LACTB2: variants seen among roughly 807,000 people sequenced by gnomAD.
LACTB2 encodes lactamase beta 2.
In LACTB2, 32 loss-of-function variants were observed where a neutral mutation model predicts 34.8. The observed-to-expected ratio is 0.92, with a 90% CI of 0.69 to 1.24. The LOEUF is 1.24. Among genes scored for constraint, LACTB2 ranks in the 50% most tolerant of loss-of-function variants. The probability of loss-of-function intolerance (pLI) is 0.00; values close to 1 mark genes in which losing one functional copy is unlikely to be tolerated. For synonymous variants in LACTB2, 120 were observed against 117.5 expected, an observed-to-expected ratio of 1.02 and a Z score of -0.14; for missense variants, 320 against 345.0, an observed-to-expected ratio of 0.93 and a Z score of 0.57.
At chr8:70,638,479 A>G in intron 6 of LACTB2, 69 bp downstream of exon 6, 5 of 1,440,624 alleles carry the variant, frequency 3.5e-6, no homozygotes, top group Non-Finnish European at 4.6e-6. Context: ...TTTTCCTCAA[A>G]GGAAACTAAG....
At chr8:70,638,981 A>G (rs1418181947) in intron 5 of LACTB2, among the ~76,000 whole-genome samples, 1 of 151,826 alleles carries the variant, frequency 6.6e-6, no homozygotes. Context: ...CTTGTGATCC[A>G]CCTGCCTCGG....
At chr8:70,663,986 A>T (rs575622075) in intron 1 of LACTB2, among the ~76,000 whole-genome samples, 1 of 152,262 alleles carries the variant, frequency 6.6e-6, no homozygotes, top group Non-Finnish European at 1.5e-5. Context: ...GTGCATATTT[A>T]GTTATGCTAA....
Position 70,669,076 on chromosome 8 carries a change from G to T in LACTB2, c.45C>A (p.Val15=). 6.2e-7 allele frequency: 1 copy of T among 1,612,834 alleles called. No homozygotes were observed. Among genetic ancestry groups the T allele is most frequent in the Non-Finnish European group, 8.5e-7 (1 of 1,179,636 alleles). Residue 15 remains valine (V), a synonymous_variant, in exon 1 of 7, where the codon GTC becomes GTA. Transcript: ENST00000276590. ...LQRVERLSNR[V]VRVLGCNPGP... is the part of the protein sequence containing the mutation. ...CCGGGTTACAGCCCAACACACGCAC[G>T]ACTCGATTGGACAGCCGCTCGACGC...
Position 70,662,067 on chromosome 8 carries a change from A to G in LACTB2, c.123-170T>C, listed in dbSNP as rs1818487392. 7 of 517,476 alleles carry G rather than the reference A, an allele frequency of 1.4e-5. No homozygotes were observed. In the East Asian group the frequency reaches 1.9e-4, roughly 14 times the overall value. The allele number at this position is 517,476 out of a possible 1,614,324, so 32.1% of individuals were successfully genotyped here. A position where few individuals can be genotyped will look rare whatever the true frequency, so the allele number is the denominator to read the frequency against. ...TTAACTACAGTAATCTCACCCTAAG[A>G]AAGTTTTCTGAGAAAAATTAGAGCT... On this transcript the variant is annotated intron_variant, in intron 1 of 6. Coordinates refer to ENST00000276590, the MANE Select transcript of LACTB2 (RefSeq NM_016027.3).
chr8:70,653,053 A>C (rs1344988013), intron 3 of LACTB2, among the ~76,000 whole-genome samples: 8 of 152,184 alleles, frequency 5.3e-5, no homozygotes, highest in Non-Finnish European at 1.2e-4. Flanking sequence ...TAGTAATATA[A>C]CATTTGTTTT....
chr8:70,646,050 GA>G (rs1168510199), intron 3 of LACTB2: 1 of 152,154 alleles, frequency 6.6e-6, no homozygotes, highest in African/African-American at 2.4e-5. Flanking sequence ...TCTAGTTCTA[GA>G]TCCCTGAGGA....
chr8:70,638,386 A>C (rs1818150014), intron 6 of LACTB2, among the ~76,000 whole-genome samples, 162 bp downstream of exon 6: 1 of 152,156 alleles, frequency 6.6e-6, no homozygotes, highest in Admixed American at 6.5e-5. Flanking sequence ...CTTGTGGTCC[A>C]CTGGCCCTGT....
At chr8:70,665,462 AC>A (rs1228378850) in intron 1 of LACTB2, among the ~76,000 whole-genome samples, 1 of 152,152 alleles carries the variant, frequency 6.6e-6, no homozygotes, top group Non-Finnish European at 1.5e-5. Flanking sequence ...ATTTGCTGTC[AC>A]TCTTATAAAA....
chr8:70,647,886 C>T (rs188683613), intron 3 of LACTB2, among the ~76,000 whole-genome samples: 10 of 152,156 alleles, frequency 6.6e-5, no homozygotes, highest in African/African-American at 1.9e-4. Flanking sequence ...CTAAGGGAAA[C>T]GCTGGAGGTT....
intron 4 of LACTB2, among the ~76,000 whole-genome samples, chr8:70,641,886 A>G (rs1818202953): frequency 1.3e-5 from 2 of 152,200 alleles, no homozygotes; most frequent in Non-Finnish European, 2.9e-5. Context: ...CAGACCTATC[A>G]TTTATTTGCT....
At position 70,640,993 on chromosome 8, in the gene LACTB2, C is replaced by G. The variant is rs1405050648; in HGVS notation, c.650G>C (p.Arg217Thr). 6.2e-7 allele frequency: 1 copy of G among 1,608,002 alleles called. No individual in the cohort carries two copies. Among genetic ancestry groups the G allele is most frequent in the Non-Finnish European group, 8.5e-7 (1 of 1,178,258 alleles). ...AAGAATTTGCTGCTCTCGAATATTT[C>G]TGTGAGAAATGTATTGTTGAATTTT... ...EAKIQQYISHRNIREQQILTL... is the reference protein window; with the variant it reads ...EAKIQQYISHTNIREQQILTL... Residue 217 changes from arginine to threonine, a missense_variant, in exon 5 of 7, where the codon AGA becomes ACA. Physicochemically the swap from Arg to Thr is moderately conservative, Grantham distance 71. Coordinates refer to ENST00000276590, the MANE Select transcript of LACTB2 (RefSeq NM_016027.3).
At chr8:70,657,978 CA>C in intron 2 of LACTB2, 96 bp from the exon 3 acceptor site, 4 of 705,096 alleles carry the variant, frequency 5.7e-6, no homozygotes, top group Non-Finnish European at 8.7e-6. Flanking sequence ...TGAATGACTG[CA>C]TAAAATATTA....
chr8:70,659,424 G>T (rs1818455622), intron 2 of LACTB2, among the ~76,000 whole-genome samples: 1 of 152,038 alleles, frequency 6.6e-6, no homozygotes, highest in South Asian at 2.1e-4. Context: ...AAATGGACAA[G>T]GCACAGAAAT....
chr8:70,668,748 G>GTTT (rs990900411), intron 1 of LACTB2, among the ~76,000 whole-genome samples: 1,917 of 103,276 alleles, frequency 0.019, 176 homozygotes, highest in African/African-American at 0.076. Context: ...CAAAACAGAA[G>GTTT]TTTTTTTTTT....
In LACTB2 at chr8:70,657,881, G is replaced by A. The variant is rs1370227552; in HGVS notation, c.288C>T (p.Asp96=). ...GGAGTTTTTTAATGCAATAGGTAGT[G>A]TCTAGTCATAAAACATATAAAATAT... ...IGDICKSINN[D]TTYCIKKLPR... The change falls in exon 3 of 7, where the codon GAC becomes GAT. Residue 96 remains aspartate, a splice_region_variant and synonymous_variant. Coordinates refer to ENST00000276590, the MANE Select transcript of LACTB2 (RefSeq NM_016027.3). 2.5e-6 allele frequency: 4 copies of A among 1,581,954 alleles called. No individual in the cohort carries two copies. The highest frequency in any genetic ancestry group is 2.2e-5 in the East Asian group (1 of 44,534).
intron 1 of LACTB2, 31 bp from the exon 2 acceptor site, chr8:70,661,928 T>G: frequency 6.4e-7 from 1 of 1,562,822 alleles, no homozygotes; most frequent in Non-Finnish European, 8.7e-7. Flanking sequence ...AATCACACAA[T>G]TGGAACACTG....
chr8:70,654,053 ACTG>A (rs1818378286), intron 3 of LACTB2: 1 of 152,214 alleles, frequency 6.6e-6, no homozygotes, highest in African/African-American at 2.4e-5. Flanking sequence ...TAAGGAGCTG[ACTG>A]CTTTTTAAGG....
At position 70,647,716 on chromosome 8, in the gene LACTB2, G is replaced by C. The variant is rs542450806; in HGVS notation, c.414-3473C>G. Reference sequence around the variant, plus strand: ...GCTGAGAACCAATCAGATTTGCACTGCAGAATTCCTCAAAGTCTAAGGATT... The same window carrying C: ...GCTGAGAACCAATCAGATTTGCACTCCAGAATTCCTCAAAGTCTAAGGATT... On this transcript the variant is annotated intron_variant, in intron 3 of 6. Coordinates refer to ENST00000276590, the MANE Select transcript of LACTB2 (RefSeq NM_016027.3). Among the ~76,000 whole-genome samples the C allele has an allele frequency of 4.6e-5, 7 of 152,358 alleles. No homozygotes were observed. The East Asian group carries it at 1.3e-3, about 29-fold the overall frequency.
At chr8:70,661,193 A>T in intron 2 of LACTB2, 1 of 364,608 alleles carries the variant, frequency 2.7e-6, no homozygotes, top group South Asian at 2.1e-5. Flanking sequence ...TCTGACATAT[A>T]ACAGTAACTG....
Sources: allele counts gnomAD v4.1 joint callset (sites outside exome capture counted in the v4.1 genomes callset), GRCh38; gene constraint gnomAD v4.1.1; transcripts MANE v1.5; gene names NCBI Gene and HGNC (gene_info 2026-07-23, HGNC 2026-07-21).